GLT6D1: variants seen among roughly 807,000 people sequenced by gnomAD.
GLT6D1 encodes putative glycosyltransferase 6 domain-containing protein 1.
In GLT6D1, 9 loss-of-function variants were observed where a neutral mutation model predicts 12.3. That is an observed-to-expected ratio of 0.73 (90% CI 0.44 to 1.27). The LOEUF is 1.27. GLT6D1 is among the 50% of genes most tolerant of loss of function. The probability of loss-of-function intolerance (pLI) is 0.00; values close to 1 mark genes in which losing one functional copy is unlikely to be tolerated. For synonymous variants in GLT6D1, 128 were observed against 132.3 expected (o/e 0.97, Z 0.23); for missense variants, 335 against 346.2 (o/e 0.97, Z 0.26).
At chr9:135,631,896 TTTTA>T (rs929556545) in intron 2 of GLT6D1, among the ~76,000 whole-genome samples, 18 of 152,276 alleles carry the variant, frequency 1.2e-4, no homozygotes, top group African/African-American at 4.1e-4. Context: ...TTTGCATTTA[TTTTA>T]TTTATTTATT....
At chr9:135,637,872 A>C (rs1347604976) in intron 2 of GLT6D1, among the ~76,000 whole-genome samples, 1 of 152,194 alleles carries the variant, frequency 6.6e-6, no homozygotes, top group Non-Finnish European at 1.5e-5. Flanking sequence ...AAAAACTATT[A>C]TCTGTCATGA....
intron 2 of GLT6D1, among the ~76,000 whole-genome samples, chr9:135,632,294 G>A (rs566190460): frequency 5.3e-5 from 8 of 152,010 alleles, no homozygotes; most frequent in African/African-American, 9.7e-5. Context: ...CATCACACCC[G>A]GCTAACTTTT....
intron 4 of GLT6D1, among the ~76,000 whole-genome samples, 180 bp from the exon 5 acceptor site, chr9:135,624,850 C>T (rs1833466483): frequency 6.7e-6 from 1 of 150,152 alleles, no homozygotes; most frequent in Non-Finnish European, 1.5e-5. Context: ...CTGCCTCAGC[C>T]TCCCAAGTAG....
chr9:135,626,155 C>G lies in GLT6D1; in HGVS notation c.171G>C (p.Trp57Cys). The change falls in exon 4 of 5, where the codon TGG becomes TGC. Residue 57 changes from tryptophan to cysteine, a missense_variant. Trp to Cys is a radical substitution (Grantham distance 215, BLOSUM62 -2). Transcript: ENST00000371763. ...GGACCCGCCTGTCGAAAGTCCCTTC[C>G]CATAGGACAGGAGCGAGCCAGTCTG... ...TKTDWLAPVL[W>C]EGTFDRRVLE... 2 of 1,614,082 alleles carry G rather than the reference C, an allele frequency of 1.2e-6. No individual in the cohort carries two copies. The highest frequency in any genetic ancestry group is 1.7e-6 in the Non-Finnish European group (2 of 1,179,986).
intron 2 of GLT6D1, among the ~76,000 whole-genome samples, chr9:135,634,442 C>CT (rs370291630): frequency 0.18 from 9,886 of 54,858 alleles, 1,001 homozygotes; most frequent in South Asian, 0.24. Flanking sequence ...TTTTCCTTTC[C>CT]TTTTTTTTTT....
At chr9:135,636,016 T>C (rs1281858795) in intron 2 of GLT6D1, among the ~76,000 whole-genome samples, 1 of 152,200 alleles carries the variant, frequency 6.6e-6, no homozygotes, top group Non-Finnish European at 1.5e-5. Flanking sequence ...CCCAAATACA[T>C]GTACAGTGCT....
At chr9:135,635,969 G>C (rs1029246876) in intron 2 of GLT6D1, among the ~76,000 whole-genome samples, 2 of 149,192 alleles carry the variant, frequency 1.3e-5, no homozygotes, top group South Asian at 2.1e-4. Flanking sequence ...CAGCAGAATT[G>C]TTAACTCATA....
At chr9:135,638,866 C>T (rs1285288629) in intron 2 of GLT6D1, among the ~76,000 whole-genome samples, 1 of 151,870 alleles carries the variant, frequency 6.6e-6, no homozygotes, top group Non-Finnish European at 1.5e-5. Flanking sequence ...TAAGTCTCTA[C>T]AAAAAAAATT....
rs1306685856 is a variant in GLT6D1 at position 135,624,245 on chromosome 9, C to A, written c.683G>T (p.Gly228Val). The A allele has an allele frequency of 1.2e-6, 2 of 1,604,962 alleles. No individual in the cohort carries two copies. Among genetic ancestry groups the A allele is most frequent in the Admixed American group, 1.7e-5 (1 of 58,250 alleles). ...GGGTGTGCCACCAACCATCAAGTTG[C>A]CATAATAGAAATCTCCCTGTCCAAA... is the stretch of plus-strand genomic sequence containing the variant. ...IPFGQGDFYY[G>V]NLMVGGTPHN... Residue 228 changes from glycine to valine, a missense_variant, in exon 5 of 5, where the codon GGC (glycine) becomes GTC (valine). Physicochemically the swap from Gly to Val is moderately radical, Grantham distance 109. Coordinates refer to ENST00000371763, the MANE Select transcript of GLT6D1 (RefSeq NM_182974.3).
intron 3 of GLT6D1, among the ~76,000 whole-genome samples, chr9:135,628,952 CT>C (rs553746906): frequency 1.7e-3 from 263 of 152,160 alleles, no homozygotes; most frequent in African/African-American, 5.7e-3. Flanking sequence ...CCCTTTTTAG[CT>C]AGGACAATCA....
chr9:135,628,444 T>C (rs1833566022), intron 3 of GLT6D1, among the ~76,000 whole-genome samples: 1 of 152,088 alleles, frequency 6.6e-6, no homozygotes, highest in Non-Finnish European at 1.5e-5. Flanking sequence ...CTATGTAGTT[T>C]ATGGTGTATA....
intron 3 of GLT6D1, among the ~76,000 whole-genome samples, 190 bp from the exon 4 acceptor site, chr9:135,626,396 G>C (rs2119132229): frequency 6.6e-6 from 1 of 152,308 alleles, no homozygotes; most frequent in East Asian, 1.9e-4. Flanking sequence ...ATCTCCACGT[G>C]GGGAAGCAGA....
rs751487570 is a variant in GLT6D1 at position 135,624,134 on chromosome 9, T to G, written c.794A>C (p.His265Pro). 2 of 1,613,218 alleles carry G rather than the reference T, an allele frequency of 1.2e-6. No homozygotes were observed. The highest frequency in any genetic ancestry group is 1.7e-6 in the Non-Finnish European group (2 of 1,179,660). ...ATTGAGGTAAAAATATTTGTTAAGGTGCTTTTCATAAGTGCTATTGAGTCC... is the reference window on the plus strand; with the variant it reads ...ATTGAGGTAAAAATATTTGTTAAGGGGCTTTTCATAAGTGCTATTGAGTCC... ...KNGLNSTYEK[H>P]LNKYFYLNKP... is the part of the protein sequence containing the mutation. Residue 265 changes from histidine to proline, a missense_variant, in exon 5 of 5, where the codon CAC (histidine) becomes CCC (proline). Transcript: ENST00000371763.
chr9:135,633,082 G>A (rs1047772585), intron 2 of GLT6D1, among the ~76,000 whole-genome samples: 8 of 152,086 alleles, frequency 5.3e-5, no homozygotes, highest in African/African-American at 1.4e-4. Context: ...CTACACATAC[G>A]CAGACAGTGG....
In GLT6D1 at chr9:135,624,690, G is replaced by C; in HGVS notation, c.258-20C>G. The C allele has an allele frequency of 1.5e-6, 2 of 1,351,154 alleles. No homozygotes were observed. Among genetic ancestry groups the C allele is most frequent in the South Asian group, 1.7e-5 (1 of 58,286 alleles). The allele number at this position is 1,351,154 out of a possible 1,614,324, so 83.7% of individuals were successfully genotyped here. A position where few individuals can be genotyped will look rare whatever the true frequency, so the allele number is the denominator to read the frequency against. On this transcript the variant is annotated intron_variant, in intron 4 of 4. Coordinates refer to ENST00000371763, the MANE Select transcript of GLT6D1 (RefSeq NM_182974.3). ...GCAAACCTAGGAAACACACAGTGGG[G>C]AAGAAACTTACTTTTCTCTTTTTTC...
chr9:135,625,300 G>A (rs1398419342), intron 4 of GLT6D1, among the ~76,000 whole-genome samples: 3 of 152,114 alleles, frequency 2.0e-5, no homozygotes, highest in Non-Finnish European at 4.4e-5. Flanking sequence ...TGGTGTTAAG[G>A]ACTCGGCCAT....
chr9:135,626,129 A>G lies in GLT6D1; in HGVS notation c.197T>C (p.Leu66Pro). 6.2e-7 allele frequency: 1 copy of G among 1,613,966 alleles called. No homozygotes were observed. Among genetic ancestry groups the G allele is most frequent in the Non-Finnish European group, 8.5e-7 (1 of 1,180,004 alleles). ...ATTCCGCCTTCTGTAATGTTTTTCCAGGACCCGCCTGTCGAAAGTCCCTTC... is the reference window on the plus strand; with the variant it reads ...ATTCCGCCTTCTGTAATGTTTTTCCGGGACCCGCCTGTCGAAAGTCCCTTC... ...LWEGTFDRRV[L>P]EKHYRRRNIT... Residue 66 changes from leucine to proline, a missense_variant, in exon 4 of 5, where the codon CTG becomes CCG. Leu to Pro is a moderately conservative substitution (Grantham distance 98, BLOSUM62 -3). Transcript: ENST00000371763.
intron 1 of GLT6D1, 50 bp from the exon 2 acceptor site, chr9:135,639,243 T>A: frequency 1.9e-6 from 2 of 1,055,088 alleles, no homozygotes; most frequent in Non-Finnish European, 2.9e-6. Flanking sequence ...AAAAATGACA[T>A]ATTTGTCATC....
intron 2 of GLT6D1, among the ~76,000 whole-genome samples, chr9:135,635,711 G>C (rs1402819287): frequency 6.6e-6 from 1 of 152,188 alleles, no homozygotes; most frequent in African/African-American, 2.4e-5. Context: ...TCAGCTAACA[G>C]AGCAAGGAAA....
Sources: gnomAD v4.1 joint callset for allele counts (sites outside exome capture counted in the v4.1 genomes callset) on GRCh38, gnomAD v4.1.1 for gene constraint, MANE v1.5 for transcripts, NCBI Gene and HGNC (gene_info 2026-07-23, HGNC 2026-07-21) for gene names.